RPN1: variants seen among roughly 807,000 people sequenced by gnomAD.
RPN1 encodes dolichyl-diphosphooligosaccharide--protein glycosyltransferase subunit 1.
A neutral mutation model predicts 55.5 loss-of-function variants in RPN1; 12 were observed. That is an observed-to-expected ratio of 0.22 (90% confidence interval 0.14 to 0.35). The LOEUF (loss-of-function observed/expected upper bound fraction) is 0.35. Among genes scored for constraint, RPN1 ranks in the 10% least tolerant of loss-of-function variants. The pLI, the probability that RPN1 is intolerant of heterozygous loss-of-function variation, is 1.00. For synonymous variants in RPN1, 317 were observed against 305.9 expected, an observed-to-expected ratio of 1.04 and a Z score of -0.38; for missense variants, 679 against 761.3, an observed-to-expected ratio of 0.89 and a Z score of 1.27.
chr3:128,634,541 T>C (rs2069663197), intron 3 of RPN1, among the ~76,000 whole-genome samples: 1 of 151,736 alleles, frequency 6.6e-6, no homozygotes, highest in African/African-American at 2.4e-5. Flanking sequence ...ATCTTCCTTT[T>C]TGCCAAATGG....
intron 2 of RPN1, among the ~76,000 whole-genome samples, chr3:128,641,556 T>C (rs1446913588): frequency 6.6e-6 from 1 of 152,118 alleles, no homozygotes; most frequent in East Asian, 1.9e-4. Flanking sequence ...TCAAAATTTA[T>C]TAAGTGCTTA....
At chr3:128,647,851 G>C (rs1204644729) in intron 1 of RPN1, among the ~76,000 whole-genome samples, 1 of 151,900 alleles carries the variant, frequency 6.6e-6, no homozygotes, top group African/African-American at 2.4e-5. Flanking sequence ...CAAAAGAGAG[G>C]AAAAATCATT....
chr3:128,628,095 T>C (rs2069613527), intron 5 of RPN1, among the ~76,000 whole-genome samples: 1 of 148,694 alleles, frequency 6.7e-6, no homozygotes, highest in Non-Finnish European at 1.5e-5. Flanking sequence ...CCATCTCTAC[T>C]AAAAATAAAA....
At position 128,648,319 on chromosome 3, in the gene RPN1, T is replaced by C. The variant is rs578139657; in HGVS notation, c.261+2221A>G. On this transcript the variant is annotated intron_variant, in intron 1 of 9. Coordinates refer to ENST00000296255, the MANE Select transcript of RPN1 (RefSeq NM_002950.4). The stretch of plus-strand genomic sequence containing the variant: ...CTGAGGCAGGAGAATCACTTGAACC[T>C]GGGAGGCAGAGGTTGCAGTGAGCCG... Among the ~76,000 whole-genome samples the C allele has an allele frequency of 4.6e-5, 7 of 151,966 alleles. No individual in the cohort carries two copies. The South Asian group carries it at 1.5e-3, about 32-fold the overall frequency.
Position 128,622,376 on chromosome 3 carries a change from A to C in RPN1, c.1429T>G (p.Cys477Gly), listed in dbSNP as rs2069566758. The change falls in exon 9 of 10, where the codon TGC becomes GGC. Residue 477 changes from cysteine (C) to glycine (G), a missense_variant. Cys to Gly is a radical substitution (Grantham distance 159, BLOSUM62 -3). Coordinates refer to ENST00000296255, the MANE Select transcript of RPN1 (RefSeq NM_002950.4). ...PAAEARMKVA[C>G]ITEQVLTLVN... Reference sequence around the variant, plus strand: ...AGGGTCAAGACCTGCTCTGTGATGCAGGCTACCTTCATCCTGGCTTCTGCG... The same window carrying C: ...AGGGTCAAGACCTGCTCTGTGATGCCGGCTACCTTCATCCTGGCTTCTGCG... The C allele has an allele frequency of 1.9e-6, 3 of 1,614,188 alleles. No individual in the cohort carries two copies. Among genetic ancestry groups the C allele is most frequent in the African/African-American group, 1.3e-5 (1 of 75,050 alleles).
chr3:128,637,438 G>C (rs2069689133), intron 3 of RPN1, among the ~76,000 whole-genome samples: 2 of 151,946 alleles, frequency 1.3e-5, no homozygotes, highest in African/African-American at 2.4e-5. Flanking sequence ...TTCCAACCAA[G>C]GCCCAACATT....
chr3:128,648,057 G>A (rs1451218668), intron 1 of RPN1, among the ~76,000 whole-genome samples: 7 of 152,210 alleles, frequency 4.6e-5, no homozygotes, highest in Non-Finnish European at 7.4e-5. Context: ...TCAGGAGTTC[G>A]AGAGCAGCCT....
In RPN1 at chr3:128,623,537, C is replaced by T. The variant is rs182252493; in HGVS notation, c.1396-1128G>A. ...TGGGTAACAGAGTGAGACTCTGTCT[C>T]GAGAAAAAAAACATTTTTTTAATTA... On this transcript the variant is annotated intron_variant, in intron 8 of 9. Coordinates refer to ENST00000296255, the MANE Select transcript of RPN1 (RefSeq NM_002950.4). Among the ~76,000 whole-genome samples the T allele has an allele frequency of 3.0e-3, 360 of 120,592 alleles. 2 individuals carry two copies. Among genetic ancestry groups the T allele is most frequent in the Middle Eastern group, 8.3e-3 (2 of 240 alleles). The allele number at this position is 120,592 out of a possible 152,430, so 79.1% of individuals were successfully genotyped here.
At chr3:128,623,460 C>T (rs953160513) in intron 8 of RPN1, among the ~76,000 whole-genome samples, 1 of 152,146 alleles carries the variant, frequency 6.6e-6, no homozygotes, top group Non-Finnish European at 1.5e-5. Context: ...ATCTCTTTAG[C>T]CCAGGAGGTC....
chr3:128,637,904 C>T lies in RPN1; in HGVS notation c.528G>A (p.Lys176=). 1 of 1,614,176 alleles carries T rather than the reference C, an allele frequency of 6.2e-7. No homozygotes were observed. The highest frequency in any genetic ancestry group is 1.1e-5 in the South Asian group (1 of 91,080). The part of the protein sequence containing the change: ...YPTKTQTMRV[K]LASRNVESYT... ...AGCTCTCCACATTTCGAGAGGCAAG[C>T]TTCACACGCATGGTTTGTGTCTTCG... is the stretch of plus-strand genomic sequence containing the variant. The change falls in exon 3 of 10, where the codon AAG becomes AAA. Residue 176 remains lysine (K), a synonymous_variant. Transcript: ENST00000296255.
At chr3:128,645,129 A>ATT in intron 1 of RPN1, 146 bp from the exon 2 acceptor site, 1 of 608,054 alleles carries the variant, frequency 1.6e-6, no homozygotes, top group South Asian at 2.0e-5. Context: ...TTCAGTAACA[A>ATT]TTTTTTTTTC....
intron 8 of RPN1, among the ~76,000 whole-genome samples, chr3:128,625,254 A>G (rs990673810): frequency 1.3e-5 from 2 of 152,178 alleles, no homozygotes; most frequent in Non-Finnish European, 2.9e-5. Context: ...GAAGCAAAAC[A>G]GCTAAATAAG....
In RPN1 at chr3:128,636,464, AAAAAT is replaced by A. The variant is rs762987168; in HGVS notation, c.633+1330_633+1334del. Among the ~76,000 whole-genome samples, 50 of 125,280 alleles carry A rather than the reference AAAAAT, an allele frequency of 4.0e-4. 1 individual carries two copies. Among genetic ancestry groups the A allele is most frequent in the South Asian group, 3.1e-3 (12 of 3,868 alleles). The allele number at this position is 125,280 out of a possible 152,430, so 82.2% of individuals were successfully genotyped here. On this transcript the variant is annotated intron_variant, in intron 3 of 9. Transcript: ENST00000296255. ...TGACAGATCAAGACTCCTTCTCAAA[AAAAAT>A]AAAATAAAATAAAGACAAAAAAAAA...
At chr3:128,626,679 A>G (rs1412042382) in intron 6 of RPN1, 54 bp downstream of exon 6, 4 of 1,493,564 alleles carry the variant, frequency 2.7e-6, no homozygotes, top group African/African-American at 1.4e-5. Context: ...TTAGGGTACC[A>G]CAAGGGTACA....
intron 8 of RPN1, 47 bp downstream of exon 8, chr3:128,625,487 A>T: frequency 6.2e-7 from 1 of 1,613,690 alleles, no homozygotes; most frequent in Non-Finnish European, 8.5e-7. Context: ...CTGGTGAAAT[A>T]TTACCAAGGA....
chr3:128,626,721 A>G lies in RPN1; in HGVS notation c.1136+12T>C. ...GAAATCGGGTGCAAAGGAGAGGAACAGTCACACTCACTTGGCTCCTTCAGG... is the reference window on the plus strand; with the variant it reads ...GAAATCGGGTGCAAAGGAGAGGAACGGTCACACTCACTTGGCTCCTTCAGG... On this transcript the variant is annotated intron_variant, in intron 6 of 9. Transcript: ENST00000296255. The G allele has an allele frequency of 1.2e-6, 2 of 1,612,304 alleles. No individual in the cohort carries two copies. The highest frequency in any genetic ancestry group is 2.2e-5 in the East Asian group (1 of 44,864).
In RPN1 at chr3:128,622,227, C is replaced by T; in HGVS notation, c.1578G>A (p.Leu526=). The T allele has an allele frequency of 6.2e-7, 1 of 1,614,190 alleles. No individual in the cohort carries two copies. The highest frequency in any genetic ancestry group is 8.5e-7 in the Non-Finnish European group (1 of 1,179,992). ...ACTGCAGCAGTGCAATCTCACTGGT[C>T]AAGGCCTTGTGTTCAGTCTCCAGGC... The part of the protein sequence containing the change: ...KKSLETEHKA[L]TSEIALLQSR... Residue 526 remains leucine (L), a synonymous_variant, in exon 9 of 10, where the codon TTG becomes TTA. Transcript: ENST00000296255.
intron 9 of RPN1, among the ~76,000 whole-genome samples, chr3:128,621,747 G>C (rs1048832949): frequency 1.3e-5 from 2 of 152,208 alleles, no homozygotes; most frequent in African/African-American, 4.8e-5. Flanking sequence ...TTTTATAGAT[G>C]AGGAAACTGA....
At chr3:128,632,234 G>C in intron 3 of RPN1, 77 bp from the exon 4 acceptor site, 1 of 1,327,166 alleles carries the variant, frequency 7.5e-7, no homozygotes, top group Non-Finnish European at 1.1e-6. Context: ...ATTGATTGGA[G>C]ACAACCTATA....
Sources: gnomAD v4.1 joint callset for allele counts (sites outside exome capture counted in the v4.1 genomes callset) on GRCh38, gnomAD v4.1.1 for gene constraint, MANE v1.5 for transcripts, NCBI Gene and HGNC (gene_info 2026-07-23, HGNC 2026-07-21) for gene names.